ARFGEF1: variants seen among roughly 807,000 people sequenced by gnomAD.
The protein encoded by ARFGEF1 is brefeldin A-inhibited guanine nucleotide-exchange protein 1.
ARFGEF1 carries 42 observed loss-of-function variants against 231.0 expected under a neutral mutation model. The ratio of observed to expected loss-of-function variants is 0.18; its 90% confidence interval spans 0.14 to 0.24. The LOEUF is 0.24. ARFGEF1 is among the 10% of genes least tolerant of loss of function. The pLI, the probability that ARFGEF1 is intolerant of heterozygous loss-of-function variation, is 1.00. For missense variants in ARFGEF1, 1,345 were observed against 2,192.0 expected (o/e 0.61, Z 7.72); for synonymous variants, 710 against 732.3 (o/e 0.97, Z 0.49).
intron 17 of ARFGEF1, among the ~76,000 whole-genome samples, chr8:67,254,801 T>C (rs990377596): frequency 6.6e-6 from 1 of 152,022 alleles, no homozygotes; most frequent in African/African-American, 2.4e-5. Context: ...CCTACAAATA[T>C]GTAAAAATAT....
Position 67,343,341 on chromosome 8 carries a change from AGGGGAG to A in ARFGEF1, c.-60_-55del, listed in dbSNP as rs1172456465. 2.0e-6 allele frequency: 3 copies of A among 1,491,646 alleles called. No homozygotes were observed. Among genetic ancestry groups the A allele is most frequent in the Non-Finnish European group, 2.7e-6 (3 of 1,104,088 alleles). The allele number at this position is 1,491,646 out of a possible 1,614,324, so 92.4% of individuals were successfully genotyped here. A position where few individuals can be genotyped will look rare whatever the true frequency, so the allele number is the denominator to read the frequency against. ...CCGACCCGCGGCTCCCAGCGGCTGG[AGGGGAG>A]GAGGAGGAGAGGAAGGAAGAGAAGA... is the stretch of plus-strand genomic sequence containing the variant. On this transcript the variant is annotated 5_prime_UTR_variant, in exon 1 of 39. Transcript: ENST00000262215.
intron 1 of ARFGEF1, among the ~76,000 whole-genome samples, chr8:67,332,113 G>A (rs1262726492): frequency 6.6e-6 from 1 of 152,012 alleles, no homozygotes; most frequent in Non-Finnish European, 1.5e-5. Flanking sequence ...TAGATATATA[G>A]AAAATGCACA....
intron 34 of ARFGEF1, among the ~76,000 whole-genome samples, chr8:67,209,369 G>C (rs1461337377): frequency 6.6e-6 from 1 of 152,196 alleles, no homozygotes; most frequent in African/African-American, 2.4e-5. Flanking sequence ...GAAATATGCA[G>C]AATAGGCAAT....
chr8:67,222,351 C>T (rs1410332222), intron 29 of ARFGEF1, among the ~76,000 whole-genome samples: 3 of 150,208 alleles, frequency 2.0e-5, no homozygotes, highest in African/African-American at 2.4e-5. Flanking sequence ...CTGCAACCTC[C>T]GCCTCCTGGG....
chr8:67,284,295 T>C (rs544019151), intron 7 of ARFGEF1, among the ~76,000 whole-genome samples: 2 of 152,260 alleles, frequency 1.3e-5, no homozygotes, highest in East Asian at 1.9e-4. Context: ...ACATCTCTTA[T>C]GTACAAGCAG....
At chr8:67,323,863 C>T (rs1032007204) in intron 1 of ARFGEF1, among the ~76,000 whole-genome samples, 2 of 151,672 alleles carry the variant, frequency 1.3e-5, no homozygotes, top group Non-Finnish European at 2.9e-5. Context: ...TGCAGTGGTG[C>T]CATCACCGCT....
chr8:67,190,645 C>G, intron 5 of ARFGEF1: 1 of 1,612,170 alleles, frequency 6.2e-7, no homozygotes, highest in Non-Finnish European at 8.5e-7. Flanking sequence ...TCGGGGTCCT[C>G]TTAGGGGCTT....
intron 27 of ARFGEF1, 75 bp downstream of exon 27, chr8:67,227,062 T>C (rs1185699531): frequency 7.4e-7 from 1 of 1,354,820 alleles, no homozygotes; most frequent in Non-Finnish European, 1.0e-6. Context: ...TATTGTTACT[T>C]GAATCATCTT....
At chr8:67,177,610 T>A in intron 5 of ARFGEF1, 1 of 955,544 alleles carries the variant, frequency 1.0e-6, no homozygotes, top group South Asian at 1.5e-5. Flanking sequence ...AAAAAGATAT[T>A]CTAAAATTTA....
chr8:67,322,004 T>A (rs896089663), intron 1 of ARFGEF1, among the ~76,000 whole-genome samples: 1 of 152,182 alleles, frequency 6.6e-6, no homozygotes. Context: ...CACACTCCAA[T>A]TGTAAAGGAA....
intron 22 of ARFGEF1, 127 bp downstream of exon 22, chr8:67,238,216 C>T: frequency 1.0e-6 from 1 of 1,001,684 alleles, no homozygotes; most frequent in East Asian, 2.8e-5. Flanking sequence ...AGTCATCTTG[C>T]TTTTTCTCAT....
At chr8:67,301,180 C>T in intron 3 of ARFGEF1, 44 bp downstream of exon 3, 1 of 1,499,216 alleles carries the variant, frequency 6.7e-7, no homozygotes, top group Non-Finnish European at 9.0e-7. Flanking sequence ...TTTAGAAACA[C>T]ATTCAAAGTA....
At chr8:67,204,567 T>C in intron 35 of ARFGEF1, 113 bp downstream of exon 35, 1 of 1,254,864 alleles carries the variant, frequency 8.0e-7, no homozygotes, top group Non-Finnish European at 1.1e-6. Flanking sequence ...TAAAAGGACA[T>C]CTGTATGATG....
At chr8:67,321,177 G>A (rs1361741922) in intron 1 of ARFGEF1, among the ~76,000 whole-genome samples, 2 of 151,564 alleles carry the variant, frequency 1.3e-5, no homozygotes, top group East Asian at 1.9e-4. Context: ...GGGGGTTTGG[G>A]GGTGCTAAAA....
At position 67,265,757 on chromosome 8, in the gene ARFGEF1, G is replaced by T. The variant is rs562109219; in HGVS notation, c.2123+249C>A. Among the ~76,000 whole-genome samples, 242 of 152,216 alleles carry T rather than the reference G, an allele frequency of 1.6e-3. 1 individual carries two copies. Among genetic ancestry groups the T allele is most frequent in the Middle Eastern group, 0.014 (4 of 294 alleles). On this transcript the variant is annotated intron_variant, in intron 14 of 38. Transcript: ENST00000262215. ...CTAAACAGTGCAAAATTGCACAGAT[G>T]ATACCCATCAACAGCACTTATAATA...
intron 6 of ARFGEF1, 145 bp from the exon 7 acceptor site, chr8:67,288,210 T>C (rs1805842361): frequency 6.1e-6 from 3 of 487,952 alleles, no homozygotes; most frequent in East Asian, 3.4e-5. Flanking sequence ...AGCAATTATA[T>C]GCTAAACCTT....
rs180770936 is a variant in ARFGEF1, at chr8:67,249,536, G to C, written c.2850+1763C>G. 6.9e-4 allele frequency among the ~76,000 whole-genome samples: 104 copies of C among 150,792 alleles called. 5 individuals carry two copies. The highest frequency in any genetic ancestry group is 6.9e-3 in the Admixed American group (104 of 15,080). ...AGATAAATCTACAGATATACTGAAG[G>C]AAAGGCATAGAATATTATGAATTAG... On this transcript the variant is annotated intron_variant, in intron 19 of 38. Transcript: ENST00000262215.
intron 33 of ARFGEF1, among the ~76,000 whole-genome samples, chr8:67,213,761 T>C (rs944374919): frequency 5.3e-5 from 8 of 152,172 alleles, no homozygotes; most frequent in African/African-American, 1.9e-4. Context: ...GCAAAACAGG[T>C]TTTCCTGGGG....
intron 5 of ARFGEF1, among the ~76,000 whole-genome samples, chr8:67,185,059 C>T (rs902871271): frequency 8.0e-4 from 120 of 149,342 alleles, no homozygotes; most frequent in African/African-American, 2.8e-3. Context: ...GAGCTGAGAT[C>T]GCACCACTGC....
Sources: allele counts gnomAD v4.1 joint callset (sites outside exome capture counted in the v4.1 genomes callset), GRCh38; gene constraint gnomAD v4.1.1; transcripts MANE v1.5; gene names NCBI Gene and HGNC (gene_info 2026-07-23, HGNC 2026-07-21).